PRRT4: variants seen among roughly 807,000 people sequenced by gnomAD.
The protein encoded by PRRT4 is proline rich transmembrane protein 4, also known as proline-rich transmembrane protein 4.
Under a neutral mutation model 55.6 loss-of-function variants are expected in PRRT4, and 59 were observed. The observed-to-expected ratio is 1.06, with a 90% CI of 0.86 to 1.32. PRRT4 has a LOEUF of 1.32. Ranked by LOEUF, PRRT4 falls within the 40% of genes most tolerant of loss-of-function variation. PRRT4 has a pLI of 0.00. For missense variants in PRRT4, 1,217 were observed against 1,222.0 expected (o/e 1.00, Z 0.06); for synonymous variants, 606 against 601.8 (o/e 1.01, Z -0.10).
rs921149881 is a variant in PRRT4 at position 128,352,693 on chromosome 7, C to T, written c.878-15G>A. The T allele has an allele frequency of 6.6e-7, 1 of 1,511,152 alleles. No homozygotes were observed. The allele number at this position is 1,511,152 out of a possible 1,614,324, so 93.6% of individuals were successfully genotyped here. A position where few individuals can be genotyped will look rare whatever the true frequency, so the allele number is the denominator to read the frequency against. The stretch of plus-strand genomic sequence containing the variant: ...GACTGTGGGGTCTGTGGGCAAAGAA[C>T]GTTTGGCTTGAGGCAATGATGCAGC... On this transcript the variant is annotated splice_polypyrimidine_tract_variant and intron_variant, in intron 4 of 4. Coordinates refer to ENST00000535159, the Ensembl canonical transcript of PRRT4.
intron 4 of PRRT4, among the ~76,000 whole-genome samples, chr7:128,354,718 G>A (rs1228601448): frequency 6.6e-6 from 1 of 152,162 alleles, no homozygotes; most frequent in African/African-American, 2.4e-5. Context: ...GAAGGAAAGG[G>A]AAGATGGAAT....
chr7:128,353,606 C>T (rs1259758155), intron 4 of PRRT4, among the ~76,000 whole-genome samples: 1 of 152,190 alleles, frequency 6.6e-6, no homozygotes, highest in Non-Finnish European at 1.5e-5. Flanking sequence ...CCCTATCCTG[C>T]CTCATCCACA....
chr7:128,351,848 G>A (rs1259558947), exon 5 of PRRT4: 2 of 1,357,054 alleles, frequency 1.5e-6, no homozygotes, highest in Non-Finnish European at 1.9e-6. Context: ...GCTCCGCTCA[G>A]CAGCCCGAAG....
chr7:128,350,700 G>A, downstream of PRRT4: 1 of 1,202,484 alleles, frequency 8.3e-7, no homozygotes, highest in East Asian at 2.6e-5. Flanking sequence ...ATAGAGCCTG[G>A]CTGCTGACCC....
chr7:128,361,390 G>A (rs1797254128), intron 1 of PRRT4: 1 of 152,208 alleles, frequency 6.6e-6, no homozygotes, highest in Non-Finnish European at 1.5e-5. Context: ...GCGCCCAGCT[G>A]GGCAACGCTT....
chr7:128,356,537 G>T lies in PRRT4; in HGVS notation c.877+2144C>A, dbSNP rs148612929. The stretch of plus-strand genomic sequence containing the variant: ...CAGTTTTCCCCAGAAGAGTCCAGAA[G>T]ATAGTCATCTCTGTTCCTCCCTTCC... On this transcript the variant is annotated intron_variant, in intron 4 of 4. Coordinates refer to ENST00000535159, the Ensembl canonical transcript of PRRT4. 9.7e-4 allele frequency among the ~76,000 whole-genome samples: 148 copies of T among 152,344 alleles called. 1 individual carries two copies. Among genetic ancestry groups the T allele is most frequent in the African/African-American group, 3.4e-3 (142 of 41,586 alleles).
At position 128,351,597 on chromosome 7, in the gene PRRT4, C is replaced by T. The variant is rs1238820184; in HGVS notation, c.1959G>A (p.Trp653Ter). The change falls in exon 5 of 5, where the codon TGG becomes TGA. Residue 653 changes from tryptophan to a stop codon, truncating the protein, a stop_gained. Coordinates refer to ENST00000535159, the Ensembl canonical transcript of PRRT4. LOFTEE classifies it high-confidence loss of function. ...GCTCCTTGTCTGGGGGCCCAGTGAC[C>T]CAGCCTCCCGGCAGCAGCGGAGCCG... The T allele has an allele frequency of 6.6e-7, 1 of 1,505,216 alleles. No individual in the cohort carries two copies. Among genetic ancestry groups the T allele is most frequent in the South Asian group, 1.2e-5 (1 of 80,260 alleles). 93.2% of individuals were successfully genotyped at this position (1,505,216 alleles called of 1,614,324 possible).
chr7:128,359,224 G>A (rs1374721598), exon 3 of PRRT4: 25 of 1,551,630 alleles, frequency 1.6e-5, no homozygotes, highest in Admixed American at 3.9e-5. Context: ...GAGAAGTTCC[G>A]GAGTGGGGAC....
exon 5 of PRRT4, chr7:128,352,107 G>A: frequency 8.6e-7 from 1 of 1,157,742 alleles, no homozygotes; most frequent in Non-Finnish European, 1.1e-6. Flanking sequence ...CGGCGCTCCC[G>A]AGGGCGGCGG....
intron 4 of PRRT4, 58 bp from the exon 6 acceptor site, chr7:128,352,736 C>A (rs1797027533): frequency 7.0e-7 from 1 of 1,431,220 alleles, no homozygotes; most frequent in Non-Finnish European, 9.2e-7. Flanking sequence ...TTACCCACCC[C>A]ACAAGCAGTA....
intron 4 of PRRT4, among the ~76,000 whole-genome samples, 154 bp from the exon 6 acceptor site, chr7:128,352,832 C>G (rs896008972): frequency 2.6e-5 from 4 of 152,152 alleles, no homozygotes; most frequent in African/African-American, 7.2e-5. Flanking sequence ...GGCCTCTCAC[C>G]TTTCCCTCCC....
Position 128,358,568 on chromosome 7 carries a change from G to T in PRRT4, c.877+113C>A. On this transcript the variant is annotated intron_variant, in intron 4 of 4. Transcript: ENST00000535159. This position sits in a 1 kb window ranked among gnomAD's most constrained non-coding sequence, Gnocchi z 4.4. ...CCACGGTGATGATGAAGAGAATGAT[G>T]ATTATGATTATGATGACAATGAAAT... The T allele has an allele frequency of 3.3e-6, 3 of 908,786 alleles. No homozygotes were observed. Among genetic ancestry groups the T allele is most frequent in the Non-Finnish European group, 5.1e-6 (3 of 586,510 alleles). The allele number at this position is 908,786 out of a possible 1,614,324, so 56.3% of individuals were successfully genotyped here.
At chr7:128,359,628 G>T in exon 2 of PRRT4, 1 of 1,538,914 alleles carries the variant, frequency 6.5e-7, no homozygotes, top group Non-Finnish European at 8.8e-7. Context: ...GAGGCCCGGG[G>T]CTTTGAGCCA....
At chr7:128,353,065 A>G (rs1483045275) in intron 4 of PRRT4, among the ~76,000 whole-genome samples, 1 of 152,094 alleles carries the variant, frequency 6.6e-6, no homozygotes, top group Non-Finnish European at 1.5e-5. Context: ...CTTTATGAGA[A>G]CGGGGATTTT....
At chr7:128,360,961 A>AC (rs897105048) in intron 1 of PRRT4, among the ~76,000 whole-genome samples, 2 of 145,810 alleles carry the variant, frequency 1.4e-5, no homozygotes, top group Non-Finnish European at 3.0e-5. Context: ...CCCGTCACAT[A>AC]CCCCCCTGCC....
rs1023649143 is a variant in PRRT4, at chr7:128,359,349, C to G, written c.643G>C (p.Gly215Arg). 1.0e-5 allele frequency: 15 copies of G among 1,477,202 alleles called. No individual in the cohort carries two copies. The East Asian group carries it at 3.7e-4, about 36-fold the overall frequency. The allele number at this position is 1,477,202 out of a possible 1,614,324, so 91.5% of individuals were successfully genotyped here. A position where few individuals can be genotyped will look rare whatever the true frequency, so the allele number is the denominator to read the frequency against. ...TGGGGTGGTTACTCACCAAAGGGTCCCAGGCGCCCAGCAATCTCTGCCAGG... is the reference window on the plus strand; with the variant it reads ...TGGGGTGGTTACTCACCAAAGGGTCGCAGGCGCCCAGCAATCTCTGCCAGG... The change falls in exon 2 of 5, where the codon GGA becomes CGA. Residue 215 changes from glycine (G) to arginine (R), a missense_variant. By Grantham distance (125) the Gly-to-Arg change is moderately radical. Coordinates refer to ENST00000535159, the Ensembl canonical transcript of PRRT4.
At chr7:128,352,022 G>T (rs1312736891) in exon 5 of PRRT4, 1 of 1,309,204 alleles carries the variant, frequency 7.6e-7, no homozygotes, top group South Asian at 2.0e-5. Context: ...GCCAGCAGCA[G>T]CCCGGAAAGG....
chr7:128,357,495 T>C (rs149820062), intron 4 of PRRT4, among the ~76,000 whole-genome samples: 35 of 152,222 alleles, frequency 2.3e-4, no homozygotes, highest in Non-Finnish European at 4.3e-4. Context: ...CCAGCCAGCA[T>C]CCTTCCCCTG....
rs1005616652 is a variant in PRRT4 at position 128,358,537 on chromosome 7, A to G, written c.877+144T>C. On this transcript the variant is annotated intron_variant, in intron 4 of 4. Transcript: ENST00000535159. This position sits in a 1 kb window ranked among gnomAD's most constrained non-coding sequence, Gnocchi z 4.4. ...ATACTTTCTCTCAGACCATTCATAT[A>G]TATCTCCACGGTGATGATGAAGAGA... The G allele has an allele frequency of 3.0e-5, 23 of 770,642 alleles. 1 individual carries two copies. In the Admixed American group the frequency reaches 3.5e-4, roughly 12 times the overall value. 47.7% of individuals were successfully genotyped at this position (770,642 alleles called of 1,614,324 possible).
Sources: gnomAD v4.1 joint callset for allele counts (sites outside exome capture counted in the v4.1 genomes callset) on GRCh38, gnomAD v4.1.1 for gene constraint, Gnocchi (gnomAD v3.1) non-coding constraint, MANE v1.5 for transcripts, NCBI Gene and HGNC (gene_info 2026-07-23, HGNC 2026-07-21) for gene names.